Variants in SYN3 observed in about 807,000 individuals in gnomAD.
SYN3 encodes the protein synapsin-3.
A neutral mutation model predicts 65.8 loss-of-function variants in SYN3; 35 were observed. That is an observed-to-expected ratio of 0.53 (90% CI 0.41 to 0.70). SYN3 has a LOEUF of 0.70. Ranked by LOEUF, SYN3 falls within the 30% of genes least tolerant of loss-of-function variation. The pLI, the probability that SYN3 is intolerant of heterozygous loss-of-function variation, is 0.00. For missense variants in SYN3, 680 were observed against 749.0 expected (o/e 0.91, Z 1.08); for synonymous variants, 270 against 292.9 (o/e 0.92, Z 0.80).
At chr22:32,980,854 CTTTT>C in intron 2 of SYN3, 152 bp from the exon 3 acceptor site, 1 of 523,202 alleles carries the variant, frequency 1.9e-6, no homozygotes. Flanking sequence ...TTTTCTCAGT[CTTTT>C]TTTTTTTTCT....
intron 1 of SYN3, among the ~76,000 whole-genome samples, chr22:33,008,621 T>TA (rs2053258524): frequency 6.6e-6 from 1 of 152,062 alleles, no homozygotes; most frequent in Admixed American, 6.6e-5. Context: ...CTCCTGTTGA[T>TA]AAAAATTTGA....
At chr22:32,569,555 C>CTATA (rs1230609085) in intron 7 of SYN3, among the ~76,000 whole-genome samples, 2 of 109,720 alleles carry the variant, frequency 1.8e-5, no homozygotes, top group Admixed American at 9.0e-5. Flanking sequence ...CTCTCTCTCT[C>CTATA]TCTCTCTCTC....
chr22:33,015,661 T>C (rs1379144156), intron 1 of SYN3, among the ~76,000 whole-genome samples: 1 of 152,190 alleles, frequency 6.6e-6, no homozygotes, highest in Non-Finnish European at 1.5e-5. Context: ...TCAGTTTTTA[T>C]ACAAAGATAG....
intron 6 of SYN3, among the ~76,000 whole-genome samples, chr22:32,740,386 A>C (rs968840519): frequency 6.6e-6 from 1 of 152,188 alleles, no homozygotes; most frequent in African/African-American, 2.4e-5. Flanking sequence ...AGCTTGGGGA[A>C]TGGAACCCTG....
intron 4 of SYN3, among the ~76,000 whole-genome samples, chr22:32,927,024 AG>A (rs1214965785): frequency 6.6e-6 from 1 of 152,210 alleles, no homozygotes; most frequent in African/African-American, 2.4e-5. Flanking sequence ...TGGGGGACAC[AG>A]GAACAGTCTC....
rs539235021 is a variant in SYN3, at chr22:32,538,507, A to T, written c.918-397T>A. On this transcript the variant is annotated intron_variant, in intron 8 of 13. Transcript: ENST00000358763. ...GAAAAGTGATCCTTAGAGAGAAGTG[A>T]CTACTTTTCTCTGGTGAAGATTAGG... Among the ~76,000 whole-genome samples the T allele has an allele frequency of 5.8e-3, 882 of 152,196 alleles. 10 individuals carry two copies. Among genetic ancestry groups the T allele is most frequent in the African/African-American group, 0.02 (847 of 41,510 alleles).
At chr22:32,779,417 G>T (rs1177532582) in intron 6 of SYN3, among the ~76,000 whole-genome samples, 1 of 152,122 alleles carries the variant, frequency 6.6e-6, no homozygotes, top group Non-Finnish European at 1.5e-5. Context: ...CCGAGATGGC[G>T]CCACTGCACT....
At chr22:32,747,963 C>T (rs745681329) in intron 6 of SYN3, among the ~76,000 whole-genome samples, 1 of 152,210 alleles carries the variant, frequency 6.6e-6, no homozygotes, top group Non-Finnish European at 1.5e-5. Context: ...AGAAGCCTTG[C>T]TCTTGGCAGC....
At chr22:32,950,106 C>T (rs1404143911) in intron 3 of SYN3, among the ~76,000 whole-genome samples, 1 of 152,170 alleles carries the variant, frequency 6.6e-6, no homozygotes, top group African/African-American at 2.4e-5. Flanking sequence ...AACCCTTAGG[C>T]GTGTTCCCCT....
chr22:33,031,069 C>A (rs1014490302), intron 1 of SYN3, among the ~76,000 whole-genome samples: 3 of 152,220 alleles, frequency 2.0e-5, no homozygotes, highest in Non-Finnish European at 4.4e-5. Context: ...GTGGATGTGG[C>A]AGCACTCAGT....
At chr22:32,680,460 C>G (rs1345654762) in intron 6 of SYN3, among the ~76,000 whole-genome samples, 1 of 152,210 alleles carries the variant, frequency 6.6e-6, no homozygotes, top group Non-Finnish European at 1.5e-5. Flanking sequence ...CTGTATTCCA[C>G]AGCATCTAGT....
At chr22:32,995,566 C>T (rs1371523664) in intron 2 of SYN3, among the ~76,000 whole-genome samples, 1 of 152,308 alleles carries the variant, frequency 6.6e-6, no homozygotes, top group East Asian at 1.9e-4. Flanking sequence ...CGCAGCATGT[C>T]CTGATCACCA....
chr22:33,019,362 CCTGTAACTGGGAGCA>C (rs1330429420), intron 1 of SYN3, among the ~76,000 whole-genome samples: 1 of 152,164 alleles, frequency 6.6e-6, no homozygotes, highest in Non-Finnish European at 1.5e-5. Flanking sequence ...GGCCATGAAA[CCTGTAACTGGGAGCA>C]CAGGTTTCAA....
intron 6 of SYN3, among the ~76,000 whole-genome samples, chr22:32,772,259 CT>C (rs995972375): frequency 8.6e-4 from 117 of 135,758 alleles, no homozygotes; most frequent in Admixed American, 2.4e-3. Flanking sequence ...CTTTCTTTTT[CT>C]TTTCTTTTTT....
At chr22:32,950,394 C>T (rs2051254679) in intron 3 of SYN3, among the ~76,000 whole-genome samples, 1 of 152,120 alleles carries the variant, frequency 6.6e-6, no homozygotes, top group South Asian at 2.1e-4. Flanking sequence ...CTGGCCTCCA[C>T]ATTCTGCCTC....
At chr22:32,940,524 T>A (rs1260428224) in intron 3 of SYN3, among the ~76,000 whole-genome samples, 1 of 152,212 alleles carries the variant, frequency 6.6e-6, no homozygotes, top group Non-Finnish European at 1.5e-5. Flanking sequence ...GTAATCCACC[T>A]AGAATTTTTA....
intron 6 of SYN3, among the ~76,000 whole-genome samples, chr22:32,749,831 TGAG>T (rs1380588487): frequency 6.6e-6 from 1 of 151,840 alleles, no homozygotes; most frequent in Non-Finnish European, 1.5e-5. Flanking sequence ...GAAGGAAGAG[TGAG>T]GAGAATAGTT....
rs576623638 is a variant in SYN3, at chr22:32,938,039, C to A, written c.370-6558G>T. On this transcript the variant is annotated intron_variant, in intron 3 of 13. Transcript: ENST00000358763. ...TTCAATGAATCATAAGCAGAAGAAA[C>A]AAAGAAAATAAACAGCAGGACATAG... 7.9e-5 allele frequency among the ~76,000 whole-genome samples: 12 copies of A among 151,808 alleles called. No homozygotes were observed. The South Asian group carries it at 2.5e-3, about 32-fold the overall frequency.
intron 12 of SYN3, among the ~76,000 whole-genome samples, chr22:32,523,389 T>A (rs532855252): frequency 9.2e-5 from 14 of 152,304 alleles, no homozygotes; most frequent in Admixed American, 7.8e-4. Context: ...GGCATGCACC[T>A]GCAGTCCCAG....
Sources: allele counts gnomAD v4.1 joint callset (sites outside exome capture counted in the v4.1 genomes callset), GRCh38; gene constraint gnomAD v4.1.1; transcripts MANE v1.5; gene names NCBI Gene and HGNC (gene_info 2026-07-23, HGNC 2026-07-21).